The following RAI14 variants were observed in gnomAD, a reference collection of about 807,000 sequenced individuals.
RAI14 encodes the protein ankycorbin.
In RAI14, 45 loss-of-function variants were observed where a neutral mutation model predicts 115.4. That is an observed-to-expected ratio of 0.39 (90% CI 0.31 to 0.50). The LOEUF is 0.50. RAI14 is among the 20% of genes least tolerant of loss of function. RAI14 has a pLI of 0.85. For synonymous variants in RAI14, 371 were observed against 415.4 expected, an observed-to-expected ratio of 0.89 and a Z score of 1.30; for missense variants, 939 against 1,131.2, an observed-to-expected ratio of 0.83 and a Z score of 2.44.
chr5:34,757,283 T>C (rs549699770), intron 2 of RAI14, 185 bp from the exon 3 acceptor site: 2 of 684,770 alleles, frequency 2.9e-6, no homozygotes, highest in East Asian at 5.9e-5. Flanking sequence ...ATGTTTTCTT[T>C]TGGGAAAGCG....
At chr5:34,728,814 C>T (rs761759464) in intron 2 of RAI14, among the ~76,000 whole-genome samples, 14 of 151,442 alleles carry the variant, frequency 9.2e-5, no homozygotes, top group Non-Finnish European at 1.9e-4. Context: ...CTCCCAGCTA[C>T]AAGGCTGAGG....
At chr5:34,814,813 AT>A (rs941856260) in intron 12 of RAI14, 144 bp downstream of exon 12, 5 of 651,618 alleles carry the variant, frequency 7.7e-6, no homozygotes, top group Non-Finnish European at 1.3e-5. Flanking sequence ...CCCCTTGATT[AT>A]TTTTTCTGGC....
At chr5:34,750,535 G>T (rs1482767870) in intron 2 of RAI14, among the ~76,000 whole-genome samples, 1 of 152,098 alleles carries the variant, frequency 6.6e-6, no homozygotes. Context: ...GTTTGACCTG[G>T]TGTTGACCAA....
chr5:34,702,710 T>C (rs1740227841), intron 2 of RAI14, among the ~76,000 whole-genome samples: 1 of 152,148 alleles, frequency 6.6e-6, no homozygotes, highest in Non-Finnish European at 1.5e-5. Context: ...AAGTAAATAG[T>C]CTTTTTGTTT....
intron 1 of RAI14, among the ~76,000 whole-genome samples, chr5:34,663,721 A>G (rs1296776740): frequency 2.0e-5 from 3 of 152,226 alleles, no homozygotes; most frequent in African/African-American, 7.2e-5. Context: ...TAAGCCCCTC[A>G]TGGCGGTCAT....
At chr5:34,723,947 T>G (rs1743129307) in intron 2 of RAI14, among the ~76,000 whole-genome samples, 1 of 152,226 alleles carries the variant, frequency 6.6e-6, no homozygotes, top group East Asian at 1.9e-4. Flanking sequence ...TGCCTTGGTG[T>G]GACTTTTTGC....
Position 34,708,564 on chromosome 5 carries a change from A to C in RAI14, c.36+21609A>C, listed in dbSNP as rs373899777. ...CAGTATAATCATGTCAGCAGTTAAAAAATTGTCAACTAATTAGCCTGCGTC... is the reference window on the plus strand; with the variant it reads ...CAGTATAATCATGTCAGCAGTTAAACAATTGTCAACTAATTAGCCTGCGTC... On this transcript the variant is annotated intron_variant, in intron 2 of 17. Coordinates refer to ENST00000265109, the MANE Select transcript of RAI14 (RefSeq NM_015577.3). 3.3e-5 allele frequency among the ~76,000 whole-genome samples: 5 copies of C among 152,238 alleles called. No homozygotes were observed. The East Asian group carries it at 9.6e-4, about 29-fold the overall frequency.
intron 1 of RAI14, among the ~76,000 whole-genome samples, chr5:34,679,580 C>T (rs1313027575): frequency 1.3e-5 from 2 of 152,136 alleles, no homozygotes; most frequent in Non-Finnish European, 2.9e-5. Context: ...TAAGAATTTG[C>T]CTCCAGGGTA....
At chr5:34,770,630 A>G (rs2150130083) in intron 3 of RAI14, among the ~76,000 whole-genome samples, 1 of 152,350 alleles carries the variant, frequency 6.6e-6, no homozygotes, top group East Asian at 1.9e-4. Flanking sequence ...TTCTGCAGGA[A>G]TGGCTCTCCT....
intron 3 of RAI14, among the ~76,000 whole-genome samples, chr5:34,783,498 T>A (rs185846630): frequency 2.6e-5 from 4 of 152,190 alleles, no homozygotes; most frequent in African/African-American, 9.7e-5. Flanking sequence ...TTTTACCTAT[T>A]TCCCAAGTTT....
chr5:34,693,584 C>G (rs1409479142), intron 2 of RAI14, among the ~76,000 whole-genome samples: 2 of 152,194 alleles, frequency 1.3e-5, no homozygotes, highest in African/African-American at 4.8e-5. Context: ...AAGACCATTG[C>G]TACAATGCAT....
At chr5:34,768,711 GGGTGC>G (rs1294805629) in intron 3 of RAI14, among the ~76,000 whole-genome samples, 2 of 152,150 alleles carry the variant, frequency 1.3e-5, no homozygotes, top group East Asian at 3.9e-4. Flanking sequence ...CGTGGGCCCC[GGGTGC>G]GGTGATTCAC....
chr5:34,815,111 G>T (rs566459352), intron 12 of RAI14, among the ~76,000 whole-genome samples: 1 of 152,074 alleles, frequency 6.6e-6, no homozygotes, highest in East Asian at 1.9e-4. Context: ...GGCCGGGGTT[G>T]GTGGCTCACG....
At chr5:34,766,191 G>T (rs1749328978) in intron 3 of RAI14, among the ~76,000 whole-genome samples, 1 of 152,172 alleles carries the variant, frequency 6.6e-6, no homozygotes, top group African/African-American at 2.4e-5. Context: ...TCCCCTCACA[G>T]AGTCCCTACT....
chr5:34,830,667 T>C (rs756994497), intron 17 of RAI14, 21 bp from the exon 18 acceptor site: 6 of 1,613,830 alleles, frequency 3.7e-6, no homozygotes, highest in Middle Eastern at 3.3e-4. Flanking sequence ...CTAATGAGTA[T>C]CTTGTGTTTG....
rs1211925939 is a variant in RAI14 at position 34,824,430 on chromosome 5, T to G, written c.2588T>G (p.Leu863Arg). 1.9e-6 allele frequency: 3 copies of G among 1,604,976 alleles called. No individual in the cohort carries two copies. Among genetic ancestry groups the G allele is most frequent in the Non-Finnish European group, 1.7e-6 (2 of 1,173,902 alleles). ...LQKFQQAQEE[L>R]AEMKRYAESS... ...AAATTCCAGCAAGCTCAGGAAGAAC[T>G]TGCAGAAATGAAAAGATACGCTGAG... Residue 863 changes from leucine (L) to arginine (R), a missense_variant, in exon 15 of 18, where the codon CTT becomes CGT. Leu to Arg is a moderately radical substitution (Grantham distance 102). Coordinates refer to ENST00000265109, the MANE Select transcript of RAI14 (RefSeq NM_015577.3).
At chr5:34,674,587 T>TTG (rs1743843967) in intron 1 of RAI14, among the ~76,000 whole-genome samples, 1 of 112,432 alleles carries the variant, frequency 8.9e-6, no homozygotes, top group African/African-American at 6.7e-5. Flanking sequence ...GGATCTTTTG[T>TTG]TTTTTTTTTT....
chr5:34,804,236 CAGTTCTTGGGTTTTGTTTA>C (rs1452298956), intron 5 of RAI14, among the ~76,000 whole-genome samples: 1 of 152,156 alleles, frequency 6.6e-6, no homozygotes, highest in African/African-American at 2.4e-5. Context: ...TGATGAGCTT[CAGTTCTTGGGTTTTGTTTA>C]AGTCCTTGGT....
Position 34,824,246 on chromosome 5 carries a change from G to A in RAI14, c.2404G>A (p.Val802Met), listed in dbSNP as rs1757213788. The change falls in exon 15 of 18, where the codon GTG (valine) becomes ATG (methionine). Residue 802 changes from valine (V) to methionine (M), a missense_variant. Transcript: ENST00000265109. ...LQSSLESEVSVLASKLKESVK... is the reference protein window; with the variant it reads ...LQSSLESEVSMLASKLKESVK... ...GTCATCCTTAGAGAGTGAAGTGAGT[G>A]TGTTGGCATCGAAATTAAAGGAATC... 6.2e-7 allele frequency: 1 copy of A among 1,614,172 alleles called. No individual in the cohort carries two copies. Among genetic ancestry groups the A allele is most frequent in the Non-Finnish European group, 8.5e-7 (1 of 1,180,022 alleles).
Sources: allele counts gnomAD v4.1 joint callset (sites outside exome capture counted in the v4.1 genomes callset), GRCh38; gene constraint gnomAD v4.1.1; transcripts MANE v1.5; gene names NCBI Gene and HGNC (gene_info 2026-07-23, HGNC 2026-07-21).